CYTH3: variants seen among roughly 807,000 people sequenced by gnomAD.
The protein encoded by CYTH3 is cytohesin 3.
CYTH3 carries 23 observed loss-of-function variants against 55.1 expected under a neutral mutation model. That is an observed-to-expected ratio of 0.42 (90% CI 0.30 to 0.59). CYTH3 has a LOEUF of 0.59. Ranked by LOEUF, CYTH3 falls within the 20% of genes least tolerant of loss-of-function variation. The probability of loss-of-function intolerance (pLI) is 0.20; values close to 1 mark genes in which losing one functional copy is unlikely to be tolerated. For missense variants in CYTH3, 413 were observed against 524.8 expected (o/e 0.79, Z 2.08); for synonymous variants, 249 against 194.9 (o/e 1.28, Z -2.31).
chr7:6,177,151 G>A (rs1199477225), intron 5 of CYTH3, among the ~76,000 whole-genome samples: 1 of 152,166 alleles, frequency 6.6e-6, no homozygotes, highest in Non-Finnish European at 1.5e-5. Flanking sequence ...CTTTGGTTTG[G>A]GTATCAGGTA....
At chr7:6,203,776 T>A (rs1452315134) in intron 1 of CYTH3, among the ~76,000 whole-genome samples, 1 of 151,920 alleles carries the variant, frequency 6.6e-6, no homozygotes, top group Non-Finnish European at 1.5e-5. Flanking sequence ...TGGAATGCAA[T>A]GGCCCAATCT....
At chr7:6,194,494 A>G (rs113483088) in intron 1 of CYTH3, among the ~76,000 whole-genome samples, 3 of 152,320 alleles carry the variant, frequency 2.0e-5, no homozygotes, top group African/African-American at 7.2e-5. Context: ...AAAACAACAC[A>G]TGCATTTCAA....
Position 6,180,597 on chromosome 7 carries a change from G to C in CYTH3, c.250-2656C>G, listed in dbSNP as rs560748162. Among the ~76,000 whole-genome samples the C allele has an allele frequency of 4.6e-4, 70 of 152,348 alleles. 1 individual carries two copies. Among genetic ancestry groups the C allele is most frequent in the African/African-American group, 1.6e-3 (66 of 41,586 alleles). ...GGACTTCTGGCCTCCTGAACTGAGCGAGAATAGATTTCTCTTGTTTTAAAC... is the reference window on the plus strand; with the variant it reads ...GGACTTCTGGCCTCCTGAACTGAGCCAGAATAGATTTCTCTTGTTTTAAAC... On this transcript the variant is annotated intron_variant, in intron 4 of 12. Coordinates refer to ENST00000350796, the MANE Select transcript of CYTH3 (RefSeq NM_004227.4).
chr7:6,265,074 G>A (rs1780452307), intron 1 of CYTH3, among the ~76,000 whole-genome samples: 1 of 152,198 alleles, frequency 6.6e-6, no homozygotes, highest in African/African-American at 2.4e-5. Flanking sequence ...AAGTGCACAG[G>A]CACTGAGGCA....
chr7:6,270,375 G>C (rs1304061437), intron 1 of CYTH3, among the ~76,000 whole-genome samples: 1 of 152,202 alleles, frequency 6.6e-6, no homozygotes, highest in Non-Finnish European at 1.5e-5. Flanking sequence ...ATGCTGGCTA[G>C]CATTTTGATG....
intron 5 of CYTH3, among the ~76,000 whole-genome samples, 163 bp from the exon 6 acceptor site, chr7:6,173,896 T>A (rs983528749): frequency 1.1e-4 from 17 of 152,350 alleles, no homozygotes; most frequent in African/African-American, 3.8e-4. Context: ...GGGCTGGCCA[T>A]GTTACCCAGG....
chr7:6,215,610 C>T (rs910526677), intron 1 of CYTH3, among the ~76,000 whole-genome samples: 1 of 145,456 alleles, frequency 6.9e-6, no homozygotes, highest in South Asian at 2.2e-4. Context: ...AAAAAAAAGA[C>T]AAATAAGGAC....
intron 1 of CYTH3, among the ~76,000 whole-genome samples, 167 bp from the exon 2 acceptor site, chr7:6,190,698 A>T (rs1449789775): frequency 6.6e-6 from 1 of 152,208 alleles, no homozygotes; most frequent in Non-Finnish European, 1.5e-5. Flanking sequence ...AGCGCTCTTT[A>T]TAACCAGAAA....
At chr7:6,191,715 G>A (rs1783808474) in intron 1 of CYTH3, among the ~76,000 whole-genome samples, 1 of 151,576 alleles carries the variant, frequency 6.6e-6, no homozygotes, top group Admixed American at 6.6e-5. Flanking sequence ...GCCAGGGAAG[G>A]ACTTCTTAAA....
intron 1 of CYTH3, among the ~76,000 whole-genome samples, chr7:6,206,256 G>C (rs1375544236): frequency 1.3e-5 from 2 of 152,182 alleles, no homozygotes; most frequent in African/African-American, 2.4e-5. Flanking sequence ...TATGTACAAT[G>C]GAATGTGATT....
At chr7:6,190,564 G>C in intron 1 of CYTH3, 33 bp from the exon 2 acceptor site, 1 of 1,479,008 alleles carries the variant, frequency 6.8e-7, no homozygotes, top group Non-Finnish European at 8.9e-7. Context: ...AACTACTTTG[G>C]AGAACACATT....
intron 4 of CYTH3, among the ~76,000 whole-genome samples, chr7:6,179,159 A>T (rs186967017): frequency 1.1e-3 from 170 of 152,348 alleles, no homozygotes; most frequent in African/African-American, 3.2e-3. Context: ...ACCGATCAGT[A>T]CATTCTGGCA....
At position 6,169,796 on chromosome 7, in the gene CYTH3, G is replaced by C. The variant is rs896176632; in HGVS notation, c.823+739C>G. Among the ~76,000 whole-genome samples, 1 of 152,194 alleles carries C rather than the reference G, an allele frequency of 6.6e-6. No individual in the cohort carries two copies. The highest frequency in any genetic ancestry group is 2.4e-5 in the African/African-American group (1 of 41,448). Reference sequence around the variant, plus strand: ...GGTGGAGGGTGACGCCGCAGGGACAGGGCTGGCTGTCTGCTTCTCTACTGC... The same window carrying C: ...GGTGGAGGGTGACGCCGCAGGGACACGGCTGGCTGTCTGCTTCTCTACTGC... On this transcript the variant is annotated intron_variant, in intron 9 of 12. Coordinates refer to ENST00000350796, the MANE Select transcript of CYTH3 (RefSeq NM_004227.4). The surrounding 1 kb of genome is among the most constrained non-coding windows in gnomAD (Gnocchi z 4.1).
intron 1 of CYTH3, among the ~76,000 whole-genome samples, chr7:6,229,677 C>A (rs1432524125): frequency 6.7e-6 from 1 of 149,014 alleles, no homozygotes; most frequent in Non-Finnish European, 1.5e-5. Flanking sequence ...ATTAGCCGGG[C>A]ATGGTGGGAG....
At chr7:6,172,747 T>C (rs1413443291) in intron 6 of CYTH3, 2 of 1,238,990 alleles carry the variant, frequency 1.6e-6, no homozygotes. Flanking sequence ...TGCACCCTTC[T>C]CTGGATGTAC....
At chr7:6,190,752 A>G (rs2128544172) in intron 1 of CYTH3, among the ~76,000 whole-genome samples, 1 of 152,308 alleles carries the variant, frequency 6.6e-6, no homozygotes, top group South Asian at 2.1e-4. Flanking sequence ...AAATTGCGGT[A>G]CATTCATAAA....
rs1195634784 is a variant in CYTH3, at chr7:6,163,588, T to C, written c.*1356A>G. On this transcript the variant is annotated 3_prime_UTR_variant, in exon 13 of 13. Transcript: ENST00000350796. ...ATCCAGCCTTCCTTGAGCGGAGCAC[T>C]GGGCACCTCCTATCCTTACATCCAC... 1 of 152,306 alleles carries C rather than the reference T, an allele frequency of 6.6e-6. No individual in the cohort carries two copies. Among genetic ancestry groups the C allele is most frequent in the African/African-American group, 2.4e-5 (1 of 41,470 alleles). The allele number at this position is 152,306 out of a possible 1,614,324, so 9.4% of individuals were successfully genotyped here.
At position 6,164,343 on chromosome 7, in the gene CYTH3, A is replaced by G. The variant is rs1041699982; in HGVS notation, c.*601T>C. 6.5e-6 allele frequency: 1 copy of G among 153,122 alleles called. No individual in the cohort carries two copies. The highest frequency in any genetic ancestry group is 6.5e-5 in the Admixed American group (1 of 15,326). The allele number at this position is 153,122 out of a possible 1,614,324, so 9.5% of individuals were successfully genotyped here. A position where few individuals can be genotyped will look rare whatever the true frequency, so the allele number is the denominator to read the frequency against. ...TCCAGGAGTTAACTTTATAGCTGCC[A>G]TTCTAAAAATACTACTGTTAGAAAG... is the stretch of plus-strand genomic sequence containing the variant. On this transcript the variant is annotated 3_prime_UTR_variant, in exon 13 of 13. Transcript: ENST00000350796.
intron 1 of CYTH3, among the ~76,000 whole-genome samples, chr7:6,194,323 C>T (rs1348400408): frequency 2.0e-5 from 3 of 152,118 alleles, no homozygotes; most frequent in African/African-American, 4.8e-5. Context: ...CGTGATGGCA[C>T]GCATCCGTAG....
Sources: allele counts gnomAD v4.1 joint callset (sites outside exome capture counted in the v4.1 genomes callset), GRCh38; gene constraint gnomAD v4.1.1; non-coding constraint Gnocchi (gnomAD v3.1); transcripts MANE v1.5; gene names NCBI Gene and HGNC (gene_info 2026-07-23, HGNC 2026-07-21).